Variants in DOCK8 observed in about 807,000 individuals in gnomAD.
The protein encoded by DOCK8 is dedicator of cytokinesis protein 8.
A neutral mutation model predicts 245.6 loss-of-function variants in DOCK8; 141 were observed. The ratio of observed to expected loss-of-function variants is 0.57; its 90% confidence interval spans 0.50 to 0.66. The LOEUF (loss-of-function observed/expected upper bound fraction) is 0.66. Ranked by LOEUF, DOCK8 falls within the 30% of genes least tolerant of loss-of-function variation. The probability of loss-of-function intolerance (pLI) is 0.00; values close to 1 mark genes in which losing one functional copy is unlikely to be tolerated. For missense variants in DOCK8, 2,965 were observed against 2,603.4 expected (o/e 1.14, Z -3.02); for synonymous variants, 1,168 against 970.2 (o/e 1.20, Z -3.79).
chr9:260,086 G>T (rs1374367852), intron 1 of DOCK8, among the ~76,000 whole-genome samples: 1 of 152,174 alleles, frequency 6.6e-6, no homozygotes, highest in Non-Finnish European at 1.5e-5. Context: ...GGGTGGGGAG[G>T]TGTGGACCTC....
At chr9:408,213 C>T (rs1443913571) in intron 28 of DOCK8, among the ~76,000 whole-genome samples, 1 of 152,148 alleles carries the variant, frequency 6.6e-6, no homozygotes, top group East Asian at 1.9e-4. Flanking sequence ...GTGAAGGAAA[C>T]AGGAGGTTCC....
intron 46 of DOCK8, among the ~76,000 whole-genome samples, chr9:457,276 C>T (rs2057669100): frequency 6.6e-6 from 1 of 152,192 alleles, no homozygotes; most frequent in Non-Finnish European, 1.5e-5. Flanking sequence ...TCTGCCTCAA[C>T]TAGATGTGTG....
intron 22 of DOCK8, among the ~76,000 whole-genome samples, chr9:385,743 G>C (rs2053924873): frequency 6.6e-6 from 1 of 152,196 alleles, no homozygotes; most frequent in Non-Finnish European, 1.5e-5. Flanking sequence ...GCCCCTTTCA[G>C]TAATACCACT....
chr9:218,173 G>A (rs531087687), intron 1 of DOCK8, among the ~76,000 whole-genome samples: 1 of 152,174 alleles, frequency 6.6e-6, no homozygotes, highest in African/African-American at 2.4e-5. Context: ...AGACTGTGTT[G>A]AAATATGGCC....
intron 40 of DOCK8, among the ~76,000 whole-genome samples, chr9:440,078 G>C (rs2057043524): frequency 2.0e-5 from 3 of 152,124 alleles, no homozygotes; most frequent in Admixed American, 1.3e-4. Flanking sequence ...GAATGCAGTG[G>C]TGCAATCATG....
chr9:459,393 C>CT (rs1440051503), intron 46 of DOCK8, among the ~76,000 whole-genome samples: 1 of 152,158 alleles, frequency 6.6e-6, no homozygotes, highest in Non-Finnish European at 1.5e-5. Context: ...TACATAAAAT[C>CT]TAAGTTTTTT....
At chr9:333,553 A>G (rs1181785161) in intron 10 of DOCK8, among the ~76,000 whole-genome samples, 1 of 151,820 alleles carries the variant, frequency 6.6e-6, no homozygotes, top group Admixed American at 6.6e-5. Context: ...GTGAGCCGAG[A>G]TCGTGCCACT....
intron 26 of DOCK8, among the ~76,000 whole-genome samples, chr9:400,875 C>T (rs1333645359): frequency 2.5e-5 from 2 of 81,028 alleles, no homozygotes; most frequent in Non-Finnish European, 4.5e-5. Flanking sequence ...ACCATCACCA[C>T]CACCTCCACC....
chr9:394,220 G>C (rs914053974), intron 24 of DOCK8, among the ~76,000 whole-genome samples: 4 of 149,830 alleles, frequency 2.7e-5, no homozygotes, highest in African/African-American at 7.4e-5. Flanking sequence ...GGTCCCTCGA[G>C]ACCCCCTTCC....
At chr9:331,701 G>C (rs945588932) in intron 9 of DOCK8, among the ~76,000 whole-genome samples, 7 of 152,294 alleles carry the variant, frequency 4.6e-5, no homozygotes, top group South Asian at 4.1e-4. Flanking sequence ...TGGCCAGCCA[G>C]TCACTTTACC....
intron 10 of DOCK8, 45 bp downstream of exon 10, chr9:332,523 G>A (rs368694883): frequency 1.4e-6 from 2 of 1,423,292 alleles, no homozygotes; most frequent in Non-Finnish European, 2.0e-6. Flanking sequence ...CTTAGAAGAA[G>A]CAGGTATTTT....
rs2048368190 is a variant in DOCK8, at chr9:276,928, C to CCT, written c.156+5201_156+5202dup. ...GGCTCAAGCGATTCTCCTGCCTCAGCCTCCCAAGTAACTGGGACCACAGGC... is the reference window on the plus strand; with the variant it reads ...GGCTCAAGCGATTCTCCTGCCTCAGCCTCTCCCAAGTAACTGGGACCACAGGC... On this transcript the variant is annotated intron_variant, in intron 2 of 47. Transcript: ENST00000432829. The CCT allele has an allele frequency of 1.4e-5, 4 of 287,248 alleles. No homozygotes were observed. In the Admixed American group the frequency reaches 1.5e-4, roughly 11 times the overall value. The allele number at this position is 287,248 out of a possible 1,614,324, so 17.8% of individuals were successfully genotyped here.
Position 377,151 on chromosome 9 carries a change from C to T in DOCK8, c.2380C>T (p.Leu794=), listed in dbSNP as rs759098590. The change falls in exon 20 of 48, where the codon CTG becomes TTG. Residue 794 remains leucine, a synonymous_variant. Coordinates refer to ENST00000432829, the MANE Select transcript of DOCK8 (RefSeq NM_203447.4). The stretch of plus-strand genomic sequence containing the variant: ...GGAGCCGCTCGTGCTCTTCCTGCAC[C>T]TGGTGCTGGACAAGCTCTTCCAGCT... ...RLEPLVLFLH[L]VLDKLFQLSV... 3.7e-6 allele frequency: 6 copies of T among 1,606,610 alleles called. No homozygotes were observed. The Admixed American group carries it at 1.0e-4, about 27-fold the overall frequency.
At chr9:447,470 CA>C (rs2057300284) in intron 44 of DOCK8, among the ~76,000 whole-genome samples, 1 of 152,124 alleles carries the variant, frequency 6.6e-6, no homozygotes, top group African/African-American at 2.4e-5. Flanking sequence ...CCTTGTTAAA[CA>C]ATTTGAGAGC....
rs780355785 is a variant in DOCK8 at position 368,098 on chromosome 9, A to G, written c.1760A>G (p.Gln587Arg). 31 of 1,614,216 alleles carry G rather than the reference A, an allele frequency of 1.9e-5. No individual in the cohort carries two copies. The highest frequency in any genetic ancestry group is 2.5e-5 in the Non-Finnish European group (29 of 1,180,024). Residue 587 changes from glutamine (Q) to arginine (R), a missense_variant, in exon 15 of 48, where the codon CAG becomes CGG. Coordinates refer to ENST00000432829, the MANE Select transcript of DOCK8 (RefSeq NM_203447.4). ...GCCCGGAACATTACAATAAAGATCC[A>G]GTTTATGTGTGGAGAAGATGCTAGC... ...ASARNITIKI[Q>R]FMCGEDASNA...
chr9:430,399 T>A (rs2056664788), intron 36 of DOCK8, among the ~76,000 whole-genome samples: 1 of 150,314 alleles, frequency 6.7e-6, no homozygotes, highest in South Asian at 2.1e-4. Flanking sequence ...TAAAATAAAA[T>A]AACCAGGTGC....
rs1017746362 is a variant in DOCK8 at position 464,525 on chromosome 9, C to G, written c.*306C>G. 1 of 464,756 alleles carries G rather than the reference C, an allele frequency of 2.2e-6. No homozygotes were observed. Among genetic ancestry groups the G allele is most frequent in the Non-Finnish European group, 4.0e-6 (1 of 253,080 alleles). The allele number at this position is 464,756 out of a possible 1,614,324, so 28.8% of individuals were successfully genotyped here. A position where few individuals can be genotyped will look rare whatever the true frequency, so the allele number is the denominator to read the frequency against. ...TAAGCAGCTTCTCCTGCTGACTGGCCAATCACTGCCCATCTGAGAGATGAT... is the reference window on the plus strand; with the variant it reads ...TAAGCAGCTTCTCCTGCTGACTGGCGAATCACTGCCCATCTGAGAGATGAT... On this transcript the variant is annotated 3_prime_UTR_variant, in exon 48 of 48. Coordinates refer to ENST00000432829, the MANE Select transcript of DOCK8 (RefSeq NM_203447.4).
At chr9:394,548 C>G (rs2054355035) in intron 24 of DOCK8, among the ~76,000 whole-genome samples, 1 of 152,370 alleles carries the variant, frequency 6.6e-6, no homozygotes, top group Admixed American at 6.5e-5. Flanking sequence ...TGAACAACCA[C>G]TTTGGCATTA....
chr9:346,887 G>A (rs10491692), intron 14 of DOCK8, among the ~76,000 whole-genome samples: 2 of 151,714 alleles, frequency 1.3e-5, no homozygotes, highest in African/African-American at 4.9e-5. Context: ...AGAAATAACT[G>A]CAAACGAAGT....
Sources: gnomAD v4.1 joint callset for allele counts (sites outside exome capture counted in the v4.1 genomes callset) on GRCh38, gnomAD v4.1.1 for gene constraint, MANE v1.5 for transcripts, NCBI Gene and HGNC (gene_info 2026-07-23, HGNC 2026-07-21) for gene names.